The following TMEFF2 variants were observed in gnomAD, a reference collection of about 807,000 sequenced individuals.
The protein encoded by TMEFF2 is transmembrane protein with EGF like and two follistatin like domains 2, also known as tomoregulin-2.
In TMEFF2, 28 loss-of-function variants were observed where a neutral mutation model predicts 53.8. The ratio of observed to expected loss-of-function variants is 0.52; its 90% CI spans 0.39 to 0.71. TMEFF2 has a LOEUF of 0.71. Ranked by LOEUF, TMEFF2 falls within the 30% of genes least tolerant of loss-of-function variation. The pLI is 0.00. For missense variants in TMEFF2, 353 were observed against 455.2 expected (o/e 0.78, Z 2.04); for synonymous variants, 162 against 166.3 (o/e 0.97, Z 0.20).
At chr2:192,109,116 G>A (rs1485820625) in intron 4 of TMEFF2, among the ~76,000 whole-genome samples, 2 of 152,016 alleles carry the variant, frequency 1.3e-5, no homozygotes, top group African/African-American at 2.4e-5. Flanking sequence ...ACAATACTGT[G>A]TACGTAATTA....
At chr2:192,150,212 C>T (rs1291662694) in intron 4 of TMEFF2, among the ~76,000 whole-genome samples, 3 of 151,696 alleles carry the variant, frequency 2.0e-5, no homozygotes, top group African/African-American at 7.3e-5. Context: ...TTACCATATT[C>T]CTCTAAAAAA....
chr2:192,022,390 T>C (rs1686877963), intron 5 of TMEFF2, among the ~76,000 whole-genome samples: 1 of 152,224 alleles, frequency 6.6e-6, no homozygotes, highest in Admixed American at 6.5e-5. Flanking sequence ...TTCTTCCTGA[T>C]TAATAACCCT....
intron 1 of TMEFF2, among the ~76,000 whole-genome samples, chr2:192,193,291 T>C (rs1269970823): frequency 1.3e-5 from 2 of 152,202 alleles, no homozygotes; most frequent in Non-Finnish European, 2.9e-5. Flanking sequence ...CCAGGCATGT[T>C]AACGGAGTTT....
At chr2:191,969,876 T>G (rs1245574860) in intron 7 of TMEFF2, among the ~76,000 whole-genome samples, 2 of 152,198 alleles carry the variant, frequency 1.3e-5, no homozygotes, top group Non-Finnish European at 2.9e-5. Context: ...ACATGTTAAA[T>G]GAGCATTCTA....
At chr2:192,082,325 C>T (rs376582717) in intron 4 of TMEFF2, among the ~76,000 whole-genome samples, 3 of 152,052 alleles carry the variant, frequency 2.0e-5, no homozygotes, top group East Asian at 1.9e-4. Context: ...TAAGACCACA[C>T]GAGGCTTTAG....
intron 5 of TMEFF2, among the ~76,000 whole-genome samples, chr2:192,040,621 G>C (rs911332877): frequency 6.6e-6 from 1 of 152,072 alleles, no homozygotes; most frequent in Non-Finnish European, 1.5e-5. Context: ...CACTGGGGAC[G>C]CTTTGGGGGT....
chr2:192,061,677 A>G (rs1046552309), intron 4 of TMEFF2, among the ~76,000 whole-genome samples: 29 of 152,114 alleles, frequency 1.9e-4, no homozygotes, highest in Non-Finnish European at 3.2e-4. Flanking sequence ...GTTGAGGTGT[A>G]ATCCTCAATG....
chr2:192,077,527 A>C (rs561702034), intron 4 of TMEFF2, among the ~76,000 whole-genome samples: 9 of 152,068 alleles, frequency 5.9e-5, no homozygotes, highest in Non-Finnish European at 1.3e-4. Flanking sequence ...TTATAATGAG[A>C]AACAATAATC....
intron 4 of TMEFF2, among the ~76,000 whole-genome samples, chr2:192,107,555 T>C (rs1047401953): frequency 4.0e-5 from 6 of 151,770 alleles, no homozygotes; most frequent in African/African-American, 1.4e-4. Flanking sequence ...AATAGCTTTT[T>C]TAAAGCAGAA....
intron 4 of TMEFF2, among the ~76,000 whole-genome samples, chr2:192,098,366 T>C (rs911016442): frequency 6.6e-6 from 1 of 152,230 alleles, no homozygotes; most frequent in Non-Finnish European, 1.5e-5. Context: ...AAGTAATTGA[T>C]TTGTCTGCCA....
intron 4 of TMEFF2, among the ~76,000 whole-genome samples, chr2:192,114,878 G>T (rs895013865): frequency 6.6e-6 from 1 of 151,728 alleles, no homozygotes; most frequent in African/African-American, 2.4e-5. Flanking sequence ...GTAAAGCATG[G>T]GTGATGATGA....
At chr2:192,173,485 G>T (rs1690964828) in intron 4 of TMEFF2, among the ~76,000 whole-genome samples, 2 of 151,666 alleles carry the variant, frequency 1.3e-5, no homozygotes, top group African/African-American at 2.4e-5. Context: ...GAAAAATTTT[G>T]CAATGCTTAG....
At chr2:192,131,349 T>C (rs1258546569) in intron 4 of TMEFF2, among the ~76,000 whole-genome samples, 3 of 151,540 alleles carry the variant, frequency 2.0e-5, no homozygotes, top group African/African-American at 7.3e-5. Context: ...TTCTCTGCTT[T>C]TCTGGGGAAG....
At chr2:191,990,668 C>T (rs1686082288) in intron 7 of TMEFF2, among the ~76,000 whole-genome samples, 1 of 151,594 alleles carries the variant, frequency 6.6e-6, no homozygotes, top group Admixed American at 6.6e-5. Flanking sequence ...TGTTTGAACT[C>T]ACATAGCTTT....
At chr2:192,100,993 G>C (rs1689019383) in intron 4 of TMEFF2, among the ~76,000 whole-genome samples, 1 of 152,144 alleles carries the variant, frequency 6.6e-6, no homozygotes, top group Non-Finnish European at 1.5e-5. Flanking sequence ...TTTACCAGCT[G>C]TATCTCCTTC....
chr2:192,060,616 G>C (rs901971259), intron 4 of TMEFF2, among the ~76,000 whole-genome samples: 10 of 152,138 alleles, frequency 6.6e-5, no homozygotes, highest in Non-Finnish European at 1.0e-4. Flanking sequence ...AAAGGTCACA[G>C]TCACAAAAGC....
intron 7 of TMEFF2, among the ~76,000 whole-genome samples, chr2:191,993,370 A>G (rs1313303778): frequency 6.6e-6 from 1 of 152,064 alleles, no homozygotes; most frequent in Admixed American, 6.6e-5. Flanking sequence ...CTAAAAATAA[A>G]TATTACAAGA....
At chr2:191,975,433 A>G (rs1459427727) in intron 7 of TMEFF2, among the ~76,000 whole-genome samples, 2 of 151,054 alleles carry the variant, frequency 1.3e-5, no homozygotes, top group African/African-American at 4.8e-5. Flanking sequence ...TCCAAACTCA[A>G]ATATCTACAA....
At chr2:191,999,236 T>C in intron 5 of TMEFF2, 28 bp from the exon 6 acceptor site, 1 of 1,552,264 alleles carries the variant, frequency 6.4e-7, no homozygotes, top group Non-Finnish European at 8.8e-7. Flanking sequence ...TAAAAACATG[T>C]AACATCAATA....
Sources: allele counts gnomAD v4.1 joint callset (sites outside exome capture counted in the v4.1 genomes callset), GRCh38; gene constraint gnomAD v4.1.1; transcripts MANE v1.5; gene names NCBI Gene and HGNC (gene_info 2026-07-23, HGNC 2026-07-21).